Variants in SPOCK1 observed in about 807,000 individuals in gnomAD.
The protein encoded by SPOCK1 is testican-1.
In SPOCK1, 23 loss-of-function variants were observed where a neutral mutation model predicts 55.3. The ratio of observed to expected loss-of-function variants is 0.42; its 90% CI spans 0.30 to 0.59. The LOEUF is 0.59. Among genes scored for constraint, SPOCK1 ranks in the 20% least tolerant of loss-of-function variants. The pLI is 0.22. For synonymous variants in SPOCK1, 226 were observed against 221.0 expected (o/e 1.02, Z -0.20); for missense variants, 499 against 552.5 (o/e 0.90, Z 0.97).
At chr5:137,036,191 C>G (rs1751880831) in intron 6 of SPOCK1, among the ~76,000 whole-genome samples, 1 of 152,078 alleles carries the variant, frequency 6.6e-6, no homozygotes, top group Non-Finnish European at 1.5e-5. Flanking sequence ...GGTACCAGCT[C>G]TGGCAAATAT....
intron 5 of SPOCK1, among the ~76,000 whole-genome samples, chr5:137,077,125 C>T (rs552566603): frequency 2.6e-5 from 4 of 152,294 alleles, no homozygotes; most frequent in Admixed American, 2.0e-4. Context: ...GGGGTTTCAC[C>T]GTGTTAGCCA....
intron 5 of SPOCK1, among the ~76,000 whole-genome samples, chr5:137,087,934 C>T (rs1175042865): frequency 6.6e-6 from 1 of 152,222 alleles, no homozygotes; most frequent in African/African-American, 2.4e-5. Context: ...GACGACACTA[C>T]ATGCTTTCTC....
chr5:137,056,498 G>T (rs950139476), intron 6 of SPOCK1, among the ~76,000 whole-genome samples: 2 of 152,044 alleles, frequency 1.3e-5, no homozygotes, highest in Non-Finnish European at 2.9e-5. Flanking sequence ...CTAAGATTTT[G>T]GGAGATACAG....
chr5:137,287,156 A>G (rs988307), intron 2 of SPOCK1, among the ~76,000 whole-genome samples: 48,636 of 152,104 alleles, frequency 0.32, 8,129 homozygotes, highest in East Asian at 0.44. Context: ...GTCATCAGCC[A>G]AGCATTATGG....
intron 2 of SPOCK1, among the ~76,000 whole-genome samples, chr5:137,446,649 T>C (rs996608240): frequency 6.6e-6 from 1 of 152,150 alleles, no homozygotes; most frequent in African/African-American, 2.4e-5. Context: ...CGATGATTCT[T>C]TTTATTGTGA....
At chr5:137,478,743 AT>A (rs1233565666) in intron 2 of SPOCK1, among the ~76,000 whole-genome samples, 1 of 152,100 alleles carries the variant, frequency 6.6e-6, no homozygotes, top group Non-Finnish European at 1.5e-5. Flanking sequence ...ACCAGACTCT[AT>A]TGTTTAAATG....
chr5:137,402,668 C>T (rs1752008013), intron 2 of SPOCK1, among the ~76,000 whole-genome samples: 1 of 152,138 alleles, frequency 6.6e-6, no homozygotes, highest in Admixed American at 6.5e-5. Context: ...AAAACCACAG[C>T]CCAGTAAAAC....
chr5:137,232,525 G>T (rs1043132986), intron 3 of SPOCK1, among the ~76,000 whole-genome samples: 2 of 152,122 alleles, frequency 1.3e-5, no homozygotes, highest in African/African-American at 4.8e-5. Context: ...TATCTATTCT[G>T]TTTCACGGAT....
intron 2 of SPOCK1, among the ~76,000 whole-genome samples, chr5:137,380,989 A>G (rs1751452247): frequency 2.0e-5 from 3 of 152,218 alleles, no homozygotes; most frequent in Non-Finnish European, 4.4e-5. Flanking sequence ...AAGAGCCTGT[A>G]AAATCACACA....
At chr5:137,271,145 A>T (rs1018584700) in intron 2 of SPOCK1, among the ~76,000 whole-genome samples, 7 of 152,012 alleles carry the variant, frequency 4.6e-5, no homozygotes, top group Non-Finnish European at 8.8e-5. Context: ...ACTGGTAGCA[A>T]ATAAGACTCC....
chr5:137,043,268 T>C (rs1286411946), intron 6 of SPOCK1, among the ~76,000 whole-genome samples: 2 of 152,212 alleles, frequency 1.3e-5, no homozygotes, highest in African/African-American at 4.8e-5. Flanking sequence ...GCACAAAATA[T>C]ATATCCATGA....
At chr5:137,323,124 T>C (rs931291044) in intron 2 of SPOCK1, among the ~76,000 whole-genome samples, 4 of 152,220 alleles carry the variant, frequency 2.6e-5, no homozygotes, top group African/African-American at 9.7e-5. Flanking sequence ...TTTTAACATG[T>C]GCATTTTGGG....
intron 2 of SPOCK1, among the ~76,000 whole-genome samples, chr5:137,352,394 T>TG (rs1415816462): frequency 6.6e-6 from 1 of 152,264 alleles, no homozygotes; most frequent in Non-Finnish European, 1.5e-5. Context: ...AGGCACACCG[T>TG]GCCTCACCTC....
At chr5:137,166,635 C>T (rs1267075625) in intron 3 of SPOCK1, among the ~76,000 whole-genome samples, 1 of 151,860 alleles carries the variant, frequency 6.6e-6, no homozygotes, top group Non-Finnish European at 1.5e-5. Context: ...ACAGACAATA[C>T]AATAAGATAT....
At chr5:137,157,427 A>G (rs1754437998) in intron 3 of SPOCK1, among the ~76,000 whole-genome samples, 1 of 152,194 alleles carries the variant, frequency 6.6e-6, no homozygotes. Context: ...TCTGTCCTGG[A>G]GAATTTTCCC....
At chr5:137,328,673 T>A (rs541229539) in intron 2 of SPOCK1, among the ~76,000 whole-genome samples, 1 of 152,218 alleles carries the variant, frequency 6.6e-6, no homozygotes, top group Non-Finnish European at 1.5e-5. Context: ...CTCAAAACAA[T>A]CCTAAGGAGC....
At chr5:137,256,863 C>T (rs1756644738) in intron 3 of SPOCK1, among the ~76,000 whole-genome samples, 1 of 152,142 alleles carries the variant, frequency 6.6e-6, no homozygotes. Context: ...CACAAACAGC[C>T]CAAAGGCACA....
At chr5:136,989,669 A>G (rs976327121) in intron 7 of SPOCK1, among the ~76,000 whole-genome samples, 1 of 152,110 alleles carries the variant, frequency 6.6e-6, no homozygotes, top group Non-Finnish European at 1.5e-5. Flanking sequence ...AGACCCCGGC[A>G]AGCTTAATCC....
At chr5:137,400,727 G>C (rs1474875344) in intron 2 of SPOCK1, among the ~76,000 whole-genome samples, 1 of 152,124 alleles carries the variant, frequency 6.6e-6, no homozygotes, top group Non-Finnish European at 1.5e-5. Context: ...GAACTTTAGC[G>C]GGCCCTTGAG....
Sources: gnomAD v4.1 joint callset for allele counts (sites outside exome capture counted in the v4.1 genomes callset) on GRCh38, gnomAD v4.1.1 for gene constraint, MANE v1.5 for transcripts, NCBI Gene and HGNC (gene_info 2026-07-23, HGNC 2026-07-21) for gene names.